C1GALT1: variants seen among roughly 807,000 people sequenced by gnomAD.
C1GALT1 encodes the protein glycoprotein-N-acetylgalactosamine 3-beta-galactosyltransferase 1.
A neutral mutation model predicts 31.0 loss-of-function variants in C1GALT1; 11 were observed. That is an observed-to-expected ratio of 0.36 (90% CI 0.22 to 0.59). C1GALT1 has a LOEUF of 0.59. Ranked by LOEUF, C1GALT1 falls within the 20% of genes least tolerant of loss-of-function variation. The probability of loss-of-function intolerance (pLI) is 0.79; values close to 1 mark genes in which losing one functional copy is unlikely to be tolerated. For missense variants in C1GALT1, 424 were observed against 425.2 expected, an observed-to-expected ratio of 1.00 and a Z score of 0.03; for synonymous variants, 175 against 143.6, an observed-to-expected ratio of 1.22 and a Z score of -1.56.
intron 1 of C1GALT1, among the ~76,000 whole-genome samples, chr7:7,227,672 A>C (rs1782835119): frequency 6.7e-6 from 1 of 149,720 alleles, no homozygotes; most frequent in South Asian, 2.1e-4. Flanking sequence ...GTGAGCCGAG[A>C]TCCCGCCACT....
Position 7,227,854 on chromosome 7 carries a change from C to T in C1GALT1, c.-17-6449C>T, listed in dbSNP as rs144663464. Among the ~76,000 whole-genome samples, 520 of 152,294 alleles carry T rather than the reference C, an allele frequency of 3.4e-3. 3 individuals are homozygous for T. Among genetic ancestry groups the T allele is most frequent in the African/African-American group, 0.011 (477 of 41,568 alleles). ...TCCTCAACAGCAAGAAGGCTCTTAC[C>T]AGATGTGCCCCCTTTGGCCTTGGAC... On this transcript the variant is annotated intron_variant, in intron 1 of 3. Transcript: ENST00000436587.
intron 2 of C1GALT1, 112 bp downstream of exon 2, chr7:7,234,651 A>G: frequency 1.3e-6 from 1 of 753,202 alleles, no homozygotes. Flanking sequence ...AGATATTAAA[A>G]ATAATTCTTG....
intron 2 of C1GALT1, among the ~76,000 whole-genome samples, chr7:7,175,679 TC>T (rs1780498470): frequency 6.6e-6 from 1 of 152,204 alleles, no homozygotes. Context: ...CTTGTATTAG[TC>T]TGCTTGGGCT....
intron 3 of C1GALT1, among the ~76,000 whole-genome samples, chr7:7,239,209 G>A (rs1319709781): frequency 6.6e-6 from 1 of 152,174 alleles, no homozygotes; most frequent in African/African-American, 2.4e-5. Context: ...TCTGGATGAG[G>A]AGATATACAG....
At chr7:7,217,875 C>T (rs1298902477) in intron 1 of C1GALT1, among the ~76,000 whole-genome samples, 1 of 152,082 alleles carries the variant, frequency 6.6e-6, no homozygotes, top group Non-Finnish European at 1.5e-5. Context: ...AGCATAGATA[C>T]CGTTTGAGAA....
At chr7:7,215,646 T>A (rs1197617624) in intron 1 of C1GALT1, among the ~76,000 whole-genome samples, 1 of 152,174 alleles carries the variant, frequency 6.6e-6, no homozygotes, top group Non-Finnish European at 1.5e-5. Flanking sequence ...CTCTTCCTAT[T>A]GGGAATAGTG....
At chr7:7,229,555 A>G (rs911735441) in intron 1 of C1GALT1, among the ~76,000 whole-genome samples, 2 of 152,202 alleles carry the variant, frequency 1.3e-5, no homozygotes, top group East Asian at 3.8e-4. Flanking sequence ...TATCGAACAG[A>G]TACTTGACTA....
chr7:7,237,150 A>G (rs1410593534), intron 2 of C1GALT1, among the ~76,000 whole-genome samples: 1 of 152,168 alleles, frequency 6.6e-6, no homozygotes, highest in Non-Finnish European at 1.5e-5. Flanking sequence ...TTTTAGTTTT[A>G]TTTTTCTTAT....
intron 1 of C1GALT1, among the ~76,000 whole-genome samples, chr7:7,202,336 T>G (rs1357789361): frequency 6.6e-6 from 1 of 152,178 alleles, no homozygotes; most frequent in Non-Finnish European, 1.5e-5. Flanking sequence ...TGTGTCTGAG[T>G]GGGAGCTCCA....
At chr7:7,206,764 T>TG (rs1236086381) in intron 1 of C1GALT1, among the ~76,000 whole-genome samples, 1 of 151,938 alleles carries the variant, frequency 6.6e-6, no homozygotes, top group Non-Finnish European at 1.5e-5. Context: ...CATTTTTTTT[T>TG]TTGTTTTATT....
chr7:7,194,429 G>T (rs1170788035), intron 1 of C1GALT1, among the ~76,000 whole-genome samples: 1 of 152,082 alleles, frequency 6.6e-6, no homozygotes. Flanking sequence ...CTATTGAGAT[G>T]ATTATGTGAT....
At chr7:7,195,585 G>C (rs552481268) in intron 1 of C1GALT1, among the ~76,000 whole-genome samples, 5 of 152,102 alleles carry the variant, frequency 3.3e-5, no homozygotes, top group Admixed American at 6.6e-5. Context: ...CTTGTTTTGT[G>C]TCCTGTCGTG....
At chr7:7,194,320 T>C (rs981927122) in intron 1 of C1GALT1, among the ~76,000 whole-genome samples, 1 of 152,194 alleles carries the variant, frequency 6.6e-6, no homozygotes, top group African/African-American at 2.4e-5. Flanking sequence ...TTGTCATAGA[T>C]GGCTTTTATT....
At chr7:7,177,855 C>T (rs1780521080), upstream of C1GALT1, 1 of 153,142 alleles carries the variant, frequency 6.5e-6, no homozygotes, top group Non-Finnish European at 1.5e-5. Context: ...TACATATAAT[C>T]TCATTGACTG....
intron 2 of C1GALT1, among the ~76,000 whole-genome samples, chr7:7,173,111 T>A (rs1310717552): frequency 6.6e-6 from 1 of 152,072 alleles, no homozygotes; most frequent in Non-Finnish European, 1.5e-5. Flanking sequence ...TAATCCCCAA[T>A]GTTGGAGGTG....
At chr7:7,213,966 A>G (rs1782121037) in intron 1 of C1GALT1, among the ~76,000 whole-genome samples, 1 of 152,200 alleles carries the variant, frequency 6.6e-6, no homozygotes, top group Non-Finnish European at 1.5e-5. Flanking sequence ...TTATTTTGTA[A>G]TCAGTCCATC....
In C1GALT1 at chr7:7,248,075, A is replaced by C. The variant is rs961123433; in HGVS notation, c.*4348A>C. On this transcript the variant is annotated 3_prime_UTR_variant, in exon 4 of 4. Transcript: ENST00000436587. ...TTTTCTACTTTATAGTAGGCCTGAC[A>C]GAAACATAGTGAAGCAATCTGGGAG... 1 of 152,116 alleles carries C rather than the reference A, an allele frequency of 6.6e-6. No homozygotes were observed. Among genetic ancestry groups the C allele is most frequent in the Non-Finnish European group, 1.5e-5 (1 of 67,936 alleles). The allele number at this position is 152,116 out of a possible 1,614,324, so 9.4% of individuals were successfully genotyped here.
chr7:7,197,181 C>T (rs1781328432), intron 1 of C1GALT1, among the ~76,000 whole-genome samples: 1 of 152,190 alleles, frequency 6.6e-6, no homozygotes, highest in Non-Finnish European at 1.5e-5. Flanking sequence ...TTAGGTCTAA[C>T]ATTTAAGTCT....
At chr7:7,179,747 T>C (rs1780548873), upstream of C1GALT1, among the ~76,000 whole-genome samples, 1 of 151,802 alleles carries the variant, frequency 6.6e-6, no homozygotes, top group South Asian at 2.1e-4. Context: ...AAAGCAACCA[T>C]GGACCTAGGC....
Sources: gnomAD v4.1 joint callset for allele counts (sites outside exome capture counted in the v4.1 genomes callset) on GRCh38, gnomAD v4.1.1 for gene constraint, MANE v1.5 for transcripts, NCBI Gene and HGNC (gene_info 2026-07-23, HGNC 2026-07-21) for gene names.